GPHN: variants seen among roughly 807,000 people sequenced by gnomAD.
The protein encoded by GPHN is gephyrin.
Under a neutral mutation model 95.5 loss-of-function variants are expected in GPHN, and 17 were observed. The observed-to-expected ratio is 0.18, with a 90% CI of 0.12 to 0.27. The LOEUF is 0.27. Ranked by LOEUF, GPHN falls within the 10% of genes least tolerant of loss-of-function variation. The pLI is 1.00. For synonymous variants in GPHN, 320 were observed against 322.5 expected (o/e 0.99, Z 0.08); for missense variants, 660 against 978.1 (o/e 0.67, Z 4.34).
At chr14:67,646,935 A>G in the GPHN span, 1 of 1,603,142 alleles carries the variant, frequency 6.2e-7, no homozygotes, top group South Asian at 1.1e-5. Context: ...ATTTTAAAGA[A>G]CTATGATATC....
At chr14:67,167,375 G>T (rs1291891219) in intron 20 of GPHN, among the ~76,000 whole-genome samples, 1 of 151,270 alleles carries the variant, frequency 6.6e-6, no homozygotes, top group Non-Finnish European at 1.5e-5. Context: ...TGTTGGTTTG[G>T]GGTTTTTTTG....
intron 1 of GPHN, among the ~76,000 whole-genome samples, chr14:66,526,902 C>T (rs557948718): frequency 6.6e-6 from 1 of 152,158 alleles, no homozygotes; most frequent in South Asian, 2.1e-4. Flanking sequence ...GATTTTTGCA[C>T]TGATGTTCAT....
At chr14:66,831,808 G>T (rs2061591258) in intron 4 of GPHN, among the ~76,000 whole-genome samples, 1 of 152,080 alleles carries the variant, frequency 6.6e-6, no homozygotes, top group Non-Finnish European at 1.5e-5. Context: ...ATTACTGTGT[G>T]CAAATAACTC....
rs542023643 is a variant in GPHN, at chr14:66,524,950, AG to A, written c.64+16360del. On this transcript the variant is annotated intron_variant, in intron 1 of 22. Transcript: ENST00000478722. Reference sequence around the variant, plus strand: ...TCTTTGCTATTGTGAACAGTGCCGCAGTAAACATACCTGTGCATGTGTCTTT... The same window carrying A: ...TCTTTGCTATTGTGAACAGTGCCGCATAAACATACCTGTGCATGTGTCTTT... 2.7e-4 allele frequency among the ~76,000 whole-genome samples: 41 copies of A among 152,304 alleles called. 1 individual carries two copies. In the South Asian group the frequency reaches 8.5e-3, roughly 32 times the overall value.
the GPHN span, among the ~76,000 whole-genome samples, chr14:67,521,305 G>A: frequency 3.9e-5 from 6 of 152,176 alleles, no homozygotes; most frequent in Admixed American, 3.3e-4. Context: ...TTGTGACAGG[G>A]GAAGCAAATG....
intron 21 of GPHN, among the ~76,000 whole-genome samples, chr14:67,175,041 G>A (rs897387958): frequency 3.9e-5 from 6 of 152,148 alleles, no homozygotes; most frequent in African/African-American, 1.4e-4. Flanking sequence ...TGTTCACTCT[G>A]ATGGTAGTTT....
intron 17 of GPHN, among the ~76,000 whole-genome samples, chr14:67,126,788 C>T (rs2079345301): frequency 6.6e-6 from 1 of 151,786 alleles, no homozygotes; most frequent in African/African-American, 2.4e-5. Context: ...TATAAAGACA[C>T]ATGCACACGT....
the GPHN span, chr14:67,376,636 C>G: frequency 3.2e-6 from 5 of 1,579,738 alleles, no homozygotes; most frequent in African/African-American, 1.4e-5. Flanking sequence ...TATCACAACT[C>G]TTGGCCTGAT....
chr14:67,720,111 C>T, the GPHN span, among the ~76,000 whole-genome samples: 4 of 152,296 alleles, frequency 2.6e-5, no homozygotes, highest in Non-Finnish European at 5.9e-5. Context: ...TCTTTTTGAC[C>T]TTTGGCAATC....
At chr14:66,562,310 A>T (rs2060287765) in intron 1 of GPHN, among the ~76,000 whole-genome samples, 1 of 152,182 alleles carries the variant, frequency 6.6e-6, no homozygotes, top group Non-Finnish European at 1.5e-5. Context: ...TTATTCAGAC[A>T]GTAGGTCTTA....
chr14:67,389,778 T>TA, the GPHN span, among the ~76,000 whole-genome samples: 1 of 147,666 alleles, frequency 6.8e-6, no homozygotes, highest in Non-Finnish European at 1.5e-5. Flanking sequence ...TTTTTTTCTT[T>TA]TTTTTTTTTT....
the GPHN span, chr14:67,678,317 C>G: frequency 6.3e-7 from 1 of 1,594,004 alleles, no homozygotes; most frequent in South Asian, 1.1e-5. Flanking sequence ...ACTGGCACTG[C>G]CTGTTAGTCT....
chr14:66,967,152 G>A (rs1223900900), intron 9 of GPHN, among the ~76,000 whole-genome samples: 2 of 151,874 alleles, frequency 1.3e-5, no homozygotes, highest in African/African-American at 4.8e-5. Context: ...GCACTAGAAT[G>A]TATACCTCAA....
At chr14:66,941,881 G>GATGCCAA (rs2067450724) in intron 8 of GPHN, among the ~76,000 whole-genome samples, 1 of 152,128 alleles carries the variant, frequency 6.6e-6, no homozygotes, top group Non-Finnish European at 1.5e-5. Context: ...ATTATTAAGG[G>GATGCCAA]CTGTAAATAG....
chr14:67,629,676 A>G, the GPHN span, among the ~76,000 whole-genome samples: 1 of 152,194 alleles, frequency 6.6e-6, no homozygotes, highest in African/African-American at 2.4e-5. Context: ...AAACTGTACT[A>G]CCCAGATTTC....
At chr14:67,381,440 G>A in the GPHN span, among the ~76,000 whole-genome samples, 3 of 152,116 alleles carry the variant, frequency 2.0e-5, no homozygotes, top group Non-Finnish European at 4.4e-5. Context: ...ACTCCTCCTT[G>A]CCTCCCTTTT....
At chr14:66,939,023 C>T (rs961428516) in intron 8 of GPHN, among the ~76,000 whole-genome samples, 4 of 152,264 alleles carry the variant, frequency 2.6e-5, no homozygotes, top group South Asian at 4.1e-4. Flanking sequence ...TTTTATCTAA[C>T]ACCATATACA....
chr14:67,179,390 G>GA (rs2083201198), intron 21 of GPHN, among the ~76,000 whole-genome samples, 188 bp from the exon 22 acceptor site: 1 of 151,790 alleles, frequency 6.6e-6, no homozygotes, highest in South Asian at 2.1e-4. Context: ...TGTGTCAAAA[G>GA]AAAAAATACA....
chr14:67,662,607 T>C, the GPHN span: 1 of 1,365,034 alleles, frequency 7.3e-7, no homozygotes, highest in South Asian at 1.3e-5. Context: ...TCCCTCTGCT[T>C]CGAATAAGCT....
Sources: gnomAD v4.1 joint callset for allele counts (sites outside exome capture counted in the v4.1 genomes callset) on GRCh38, gnomAD v4.1.1 for gene constraint, MANE v1.5 for transcripts, NCBI Gene and HGNC (gene_info 2026-07-23, HGNC 2026-07-21) for gene names.